Variants in CDYL2 observed in about 807,000 individuals in gnomAD.
CDYL2 encodes chromodomain Y-like protein 2.
CDYL2 carries 23 observed loss-of-function variants against 49.4 expected under a neutral mutation model. That is an observed-to-expected ratio of 0.47 (90% CI 0.34 to 0.66). The LOEUF is 0.66. Ranked by LOEUF, CDYL2 falls within the 30% of genes least tolerant of loss-of-function variation. The pLI, the probability that CDYL2 is intolerant of heterozygous loss-of-function variation, is 0.01. For missense variants in CDYL2, 678 were observed against 656.4 expected, an observed-to-expected ratio of 1.03 and a Z score of -0.36; for synonymous variants, 360 against 268.8, an observed-to-expected ratio of 1.34 and a Z score of -3.32.
chr16:80,746,806 T>A (rs1228333878), intron 1 of CDYL2, among the ~76,000 whole-genome samples: 1 of 152,204 alleles, frequency 6.6e-6, no homozygotes, highest in Non-Finnish European at 1.5e-5. Context: ...GCTTTTATCA[T>A]AACCCATTAT....
At chr16:80,753,979 G>A (rs1312438157) in intron 1 of CDYL2, among the ~76,000 whole-genome samples, 2 of 152,168 alleles carry the variant, frequency 1.3e-5, no homozygotes, top group African/African-American at 4.8e-5. Flanking sequence ...GGAAACACAG[G>A]AGAATGAGCT....
chr16:80,695,996 C>T (rs540976451), intron 1 of CDYL2, among the ~76,000 whole-genome samples: 129 of 152,336 alleles, frequency 8.5e-4, no homozygotes, highest in Middle Eastern at 3.4e-3. Context: ...GACCATACAT[C>T]ATGCCACAAA....
At chr16:80,693,112 G>C (rs766535414) in intron 1 of CDYL2, among the ~76,000 whole-genome samples, 2 of 151,834 alleles carry the variant, frequency 1.3e-5, no homozygotes, top group African/African-American at 4.8e-5. Flanking sequence ...CCAGATCAGT[G>C]GGGGCTGGGT....
intron 1 of CDYL2, among the ~76,000 whole-genome samples, chr16:80,784,022 T>C (rs1907354521): frequency 6.6e-6 from 1 of 152,192 alleles, no homozygotes. Flanking sequence ...ACATTTGAAA[T>C]GATTAAAATG....
chr16:80,670,374 G>A (rs547374867), intron 2 of CDYL2, among the ~76,000 whole-genome samples: 36 of 152,198 alleles, frequency 2.4e-4, no homozygotes, highest in Admixed American at 5.2e-4. Flanking sequence ...GCTTTCCCCC[G>A]GTTGCTCAGC....
chr16:80,733,091 T>C (rs1310008122), intron 1 of CDYL2, among the ~76,000 whole-genome samples: 2 of 152,112 alleles, frequency 1.3e-5, no homozygotes, highest in Admixed American at 6.6e-5. Context: ...ACGTTCTTTC[T>C]ACAGCCATTT....
intron 1 of CDYL2, among the ~76,000 whole-genome samples, chr16:80,760,095 G>C (rs1349369863): frequency 6.6e-6 from 1 of 152,190 alleles, no homozygotes; most frequent in African/African-American, 2.4e-5. Context: ...ACTTTATAAA[G>C]ATGGTTTGCT....
chr16:80,633,510 G>C (rs1597137173), intron 2 of CDYL2, among the ~76,000 whole-genome samples: 1 of 152,202 alleles, frequency 6.6e-6, no homozygotes, highest in South Asian at 2.1e-4. Flanking sequence ...CTTCTGCTCA[G>C]ATTCCTTGGC....
chr16:80,604,565 G>A lies in CDYL2; in HGVS notation c.1363-19C>T, dbSNP rs374815431. On this transcript the variant is annotated intron_variant, in intron 6 of 6. Coordinates refer to ENST00000570137, the MANE Select transcript of CDYL2 (RefSeq NM_152342.4). ...CTAACACCTAGAGGGAAATAGACAG[G>A]CCTGATTAGCCGGGCACCAGGGACT... 57 of 1,613,764 alleles carry A rather than the reference G, an allele frequency of 3.5e-5. No individual in the cohort carries two copies. The highest frequency in any genetic ancestry group is 4.6e-5 in the Non-Finnish European group (54 of 1,179,778).
intron 2 of CDYL2, among the ~76,000 whole-genome samples, chr16:80,677,098 A>T (rs530530332): frequency 4.6e-5 from 7 of 151,336 alleles, no homozygotes; most frequent in South Asian, 4.2e-4. Context: ...AGCTCCCTGG[A>T]AAGCTGGGAC....
intron 1 of CDYL2, among the ~76,000 whole-genome samples, chr16:80,779,121 G>A (rs978223385): frequency 1.3e-5 from 2 of 151,964 alleles, no homozygotes; most frequent in African/African-American, 2.4e-5. Context: ...AAGGAGGAAG[G>A]GAGGAGAACA....
Position 80,600,985 on chromosome 16 carries a change from G to C in CDYL2, c.*3403C>G, listed in dbSNP as rs1240175117. The C allele has an allele frequency of 6.6e-6, 1 of 152,154 alleles. No homozygotes were observed. The highest frequency in any genetic ancestry group is 1.5e-5 in the Non-Finnish European group (1 of 68,028). 9.4% of individuals were successfully genotyped at this position (152,154 alleles called of 1,614,324 possible). A position where few individuals can be genotyped will look rare whatever the true frequency, so the allele number is the denominator to read the frequency against. On this transcript the variant is annotated 3_prime_UTR_variant, in exon 7 of 7. Transcript: ENST00000570137. ...CATGCTTCAGAGAGAACATTTCCTA[G>C]TTTAATCTATACCAAACAAGAATGA...
intron 1 of CDYL2, among the ~76,000 whole-genome samples, chr16:80,783,348 T>A (rs560715151): frequency 6.6e-6 from 1 of 152,242 alleles, no homozygotes; most frequent in South Asian, 2.1e-4. Flanking sequence ...ATGGCTATAA[T>A]CAAAAAACAG....
At chr16:80,688,458 T>A (rs1910285052) in intron 1 of CDYL2, among the ~76,000 whole-genome samples, 1 of 152,146 alleles carries the variant, frequency 6.6e-6, no homozygotes, top group Non-Finnish European at 1.5e-5. Flanking sequence ...AGGAAAAGCA[T>A]CACTACAAGA....
At chr16:80,749,002 A>G (rs536295395) in intron 1 of CDYL2, among the ~76,000 whole-genome samples, 39 of 152,326 alleles carry the variant, frequency 2.6e-4, no homozygotes, top group African/African-American at 9.4e-4. Flanking sequence ...TACAGTCAAA[A>G]TATAAGGTTA....
At chr16:80,787,757 T>C (rs1907484115) in intron 1 of CDYL2, among the ~76,000 whole-genome samples, 1 of 152,224 alleles carries the variant, frequency 6.6e-6, no homozygotes, top group Non-Finnish European at 1.5e-5. Context: ...TTTATATATC[T>C]CTTTCTAGTC....
intron 1 of CDYL2, among the ~76,000 whole-genome samples, chr16:80,744,768 T>G (rs577380397): frequency 2.0e-5 from 3 of 152,224 alleles, no homozygotes; most frequent in Middle Eastern, 3.4e-3. Flanking sequence ...CAAGCTCTCT[T>G]CCAGTTGACA....
rs1188290395 is a variant in CDYL2, at chr16:80,604,741, A to G, written c.1363-195T>C. ...ATCCCAGATGTGTCAAGACGTGAAC[A>G]CTGTGAGGCCCTGGGATGGCTCAGT... On this transcript the variant is annotated intron_variant, in intron 6 of 6. Transcript: ENST00000570137. Among the ~76,000 whole-genome samples the G allele has an allele frequency of 3.9e-5, 6 of 152,254 alleles. No homozygotes were observed. The East Asian group carries it at 9.7e-4, about 25-fold the overall frequency.
At chr16:80,685,366 C>T (rs147414212) in intron 1 of CDYL2, among the ~76,000 whole-genome samples, 74 of 152,310 alleles carry the variant, frequency 4.9e-4, no homozygotes, top group African/African-American at 1.6e-3. Flanking sequence ...CCCATGATGA[C>T]GCTAGATGAC....
Sources: gnomAD v4.1 joint callset for allele counts (sites outside exome capture counted in the v4.1 genomes callset) on GRCh38, gnomAD v4.1.1 for gene constraint, MANE v1.5 for transcripts, NCBI Gene and HGNC (gene_info 2026-07-23, HGNC 2026-07-21) for gene names.